SHISA9: variants seen among roughly 807,000 people sequenced by gnomAD.
SHISA9 encodes the protein protein shisa-9.
SHISA9 carries 13 observed loss-of-function variants against 38.0 expected under a neutral mutation model. The observed-to-expected ratio is 0.34, with a 90% CI of 0.22 to 0.54. SHISA9 has a LOEUF of 0.54. SHISA9 is among the 20% of genes least tolerant of loss of function. SHISA9 has a pLI of 0.91. For missense variants in SHISA9, 538 were observed against 575.8 expected (o/e 0.93, Z 0.67); for synonymous variants, 275 against 242.0 (o/e 1.14, Z -1.27).
rs192780579 is a variant in SHISA9, at chr16:13,080,393, A to G, written c.692-123001A>G. 5.1e-4 allele frequency among the ~76,000 whole-genome samples: 78 copies of G among 152,272 alleles called. 1 individual carries two copies. The East Asian group carries it at 0.015, about 28-fold the overall frequency. ...GTCTCAAAAAAATAAATAAATAAGTAAAAAACACCACCACTTGGTCAGCTC... is the reference window on the plus strand; with the variant it reads ...GTCTCAAAAAAATAAATAAATAAGTGAAAAACACCACCACTTGGTCAGCTC... On this transcript the variant is annotated intron_variant, in intron 2 of 4. Transcript: ENST00000558583.
chr16:13,551,750 C>T, the SHISA9 span, among the ~76,000 whole-genome samples: 8 of 152,220 alleles, frequency 5.3e-5, no homozygotes, highest in East Asian at 5.8e-4. Context: ...ATTGGTAGGC[C>T]GGGAGCGGTG....
intron 2 of SHISA9, among the ~76,000 whole-genome samples, chr16:12,931,304 C>A (rs368304950): frequency 6.6e-6 from 1 of 152,110 alleles, no homozygotes; most frequent in Non-Finnish European, 1.5e-5. Context: ...ATTTTAGATT[C>A]AGGGGGACCA....
chr16:13,069,888 A>G lies in SHISA9; in HGVS notation c.692-133506A>G, dbSNP rs528410473. Among the ~76,000 whole-genome samples, 4 of 152,246 alleles carry G rather than the reference A, an allele frequency of 2.6e-5. No individual in the cohort carries two copies. The East Asian group carries it at 7.7e-4, about 29-fold the overall frequency. Reference sequence around the variant, plus strand: ...GGACACAGTGAGAAGAGAGGTGTCTATGAGGAATGAGTCCTCATCAGACAC... The same window carrying G: ...GGACACAGTGAGAAGAGAGGTGTCTGTGAGGAATGAGTCCTCATCAGACAC... On this transcript the variant is annotated intron_variant, in intron 2 of 4. Coordinates refer to ENST00000558583, the MANE Select transcript of SHISA9 (RefSeq NM_001145204.3).
At chr16:13,068,923 T>A (rs2073468773) in intron 2 of SHISA9, among the ~76,000 whole-genome samples, 1 of 152,166 alleles carries the variant, frequency 6.6e-6, no homozygotes, top group African/African-American at 2.4e-5. Flanking sequence ...TGTGTATACG[T>A]GTGTACATGC....
chr16:13,559,180 A>G, the SHISA9 span, among the ~76,000 whole-genome samples: 1 of 152,296 alleles, frequency 6.6e-6, no homozygotes, highest in African/African-American at 2.4e-5. Flanking sequence ...GACCAGACAC[A>G]GTATCGAGTT....
intron 2 of SHISA9, among the ~76,000 whole-genome samples, chr16:13,185,785 A>C (rs991641336): frequency 6.6e-6 from 1 of 152,210 alleles, no homozygotes; most frequent in African/African-American, 2.4e-5. Context: ...TGAGTTGTTC[A>C]TGAATAAATT....
intron 2 of SHISA9, among the ~76,000 whole-genome samples, chr16:13,050,612 A>T (rs1366606211): frequency 1.3e-5 from 2 of 152,206 alleles, no homozygotes; most frequent in Admixed American, 1.3e-4. Context: ...GATTACAGGC[A>T]TGAGCCACCA....
chr16:13,240,274 C>T lies in SHISA9; in HGVS notation c.*4865C>T, dbSNP rs2051424151. The T allele has an allele frequency of 6.6e-6, 1 of 152,162 alleles. No individual in the cohort carries two copies. The highest frequency in any genetic ancestry group is 6.5e-5 in the Admixed American group (1 of 15,276). The allele number at this position is 152,162 out of a possible 1,614,324, so 9.4% of individuals were successfully genotyped here. Reference sequence around the variant, plus strand: ...CTGTGTTAATACTTGTCAACAACTGCAGAGTTTATGATACGAATAATTCTT... The same window carrying T: ...CTGTGTTAATACTTGTCAACAACTGTAGAGTTTATGATACGAATAATTCTT... On this transcript the variant is annotated 3_prime_UTR_variant, in exon 5 of 5. Coordinates refer to ENST00000558583, the MANE Select transcript of SHISA9 (RefSeq NM_001145204.3).
chr16:12,921,125 A>G (rs1377534673), intron 2 of SHISA9, among the ~76,000 whole-genome samples: 1 of 152,244 alleles, frequency 6.6e-6, no homozygotes, highest in Non-Finnish European at 1.5e-5. Flanking sequence ...TTCATATTCC[A>G]TATACCCTTA....
intron 4 of SHISA9, among the ~76,000 whole-genome samples, chr16:13,215,007 G>C (rs2051154254): frequency 6.6e-6 from 1 of 152,128 alleles, no homozygotes; most frequent in Non-Finnish European, 1.5e-5. Context: ...GACTGGATTA[G>C]GGGACTGTGG....
chr16:13,237,304 G>A lies in SHISA9; in HGVS notation c.*1895G>A, dbSNP rs895224557. 1.3e-5 allele frequency: 2 copies of A among 152,130 alleles called. No individual in the cohort carries two copies. Among genetic ancestry groups the A allele is most frequent in the African/African-American group, 2.4e-5 (1 of 41,424 alleles). The allele number at this position is 152,130 out of a possible 1,614,324, so 9.4% of individuals were successfully genotyped here. A position where few individuals can be genotyped will look rare whatever the true frequency, so the allele number is the denominator to read the frequency against. On this transcript the variant is annotated 3_prime_UTR_variant, in exon 5 of 5. Transcript: ENST00000558583. ...CCCTCTGGGCCTGAGTCTCCCATCTGAAACATGGGGAATTGGGGTAGGTCA... is the reference window on the plus strand; with the variant it reads ...CCCTCTGGGCCTGAGTCTCCCATCTAAAACATGGGGAATTGGGGTAGGTCA...
chr16:13,013,752 G>T (rs2072707333), intron 2 of SHISA9, among the ~76,000 whole-genome samples: 2 of 151,828 alleles, frequency 1.3e-5, no homozygotes, highest in Admixed American at 1.3e-4. Context: ...TTTTGAGACG[G>T]AGTCTCGCTC....
chr16:13,544,678 C>T, the SHISA9 span, among the ~76,000 whole-genome samples: 1 of 152,078 alleles, frequency 6.6e-6, no homozygotes, highest in African/African-American at 2.4e-5. Context: ...TGCAGTGTCT[C>T]ACACCTGTAA....
chr16:13,477,023 C>T, the SHISA9 span, among the ~76,000 whole-genome samples: 12 of 152,188 alleles, frequency 7.9e-5, no homozygotes, highest in Non-Finnish European at 1.0e-4. Flanking sequence ...GGATTACAGG[C>T]GTGAGCCACT....
At chr16:13,364,473 T>C in the SHISA9 span, among the ~76,000 whole-genome samples, 47 of 152,378 alleles carry the variant, frequency 3.1e-4, no homozygotes, top group African/African-American at 1.1e-3. Flanking sequence ...TTTCAATGAA[T>C]ATGCAAGATG....
intron 2 of SHISA9, among the ~76,000 whole-genome samples, chr16:13,156,301 C>G (rs1567230303): frequency 6.6e-6 from 1 of 152,162 alleles, no homozygotes; most frequent in Non-Finnish European, 1.5e-5. Context: ...TGAGGTGGTA[C>G]TTGCCAGCAT....
chr16:13,348,908 A>G, the SHISA9 span, among the ~76,000 whole-genome samples: 1 of 151,982 alleles, frequency 6.6e-6, no homozygotes, highest in Admixed American at 6.5e-5. Context: ...TGCACTCTCC[A>G]TTTGCCTCGG....
chr16:13,036,080 GT>G (rs1567190342), intron 2 of SHISA9, among the ~76,000 whole-genome samples: 1 of 152,186 alleles, frequency 6.6e-6, no homozygotes, highest in African/African-American at 2.4e-5. Flanking sequence ...GAGTTTGGTT[GT>G]TTTTAAATAA....
chr16:13,259,205 A>C, the SHISA9 span, among the ~76,000 whole-genome samples: 2 of 152,260 alleles, frequency 1.3e-5, no homozygotes, highest in African/African-American at 4.8e-5. Context: ...CCAGTGGGGC[A>C]GTCAAATTTT....
Sources: allele counts gnomAD v4.1 joint callset (sites outside exome capture counted in the v4.1 genomes callset), GRCh38; gene constraint gnomAD v4.1.1; transcripts MANE v1.5; gene names NCBI Gene and HGNC (gene_info 2026-07-23, HGNC 2026-07-21).